Variants in UBE2Q2 observed in about 807,000 individuals in gnomAD.
UBE2Q2 encodes ubiquitin-conjugating enzyme E2 Q2.
UBE2Q2 carries 54 observed loss-of-function variants against 59.9 expected under a neutral mutation model. The ratio of observed to expected loss-of-function variants is 0.90; its 90% CI spans 0.72 to 1.13. The LOEUF is 1.13. Among genes scored for constraint, UBE2Q2 ranks in the 50% most tolerant of loss-of-function variants. UBE2Q2 has a pLI of 0.00. For missense variants in UBE2Q2, 433 were observed against 441.9 expected, an observed-to-expected ratio of 0.98 and a Z score of 0.18; for synonymous variants, 165 against 155.2, an observed-to-expected ratio of 1.06 and a Z score of -0.47.
chr15:75,893,591 A>G (rs1899227817), intron 11 of UBE2Q2, among the ~76,000 whole-genome samples: 1 of 152,178 alleles, frequency 6.6e-6, no homozygotes, highest in Admixed American at 6.5e-5. Context: ...GGTATAATAG[A>G]CAAATATAGA....
chr15:75,888,021 T>C (rs1898883524), intron 9 of UBE2Q2, among the ~76,000 whole-genome samples: 1 of 152,254 alleles, frequency 6.6e-6, no homozygotes, highest in African/African-American at 2.4e-5. Flanking sequence ...TCATATCCCA[T>C]ATCTTCTAGT....
Position 75,854,409 on chromosome 15 carries a change from G to T in UBE2Q2, c.204G>T (p.Pro68=). The change falls in exon 2 of 13, where the codon CCG becomes CCT. Residue 68 remains proline (P), a synonymous_variant. Coordinates refer to ENST00000267938, the MANE Select transcript of UBE2Q2 (RefSeq NM_173469.4). ...AGGAATCCTATCCATCTTCTTCACCGATATGGTTTGTGGATTCTGAAGACC... is the reference window on the plus strand; with the variant it reads ...AGGAATCCTATCCATCTTCTTCACCTATATGGTTTGTGGATTCTGAAGACC... ...NITESYPSSS[P]IWFVDSEDPN... The T allele has an allele frequency of 6.2e-7, 1 of 1,612,970 alleles. No individual in the cohort carries two copies. The highest frequency in any genetic ancestry group is 8.5e-7 in the Non-Finnish European group (1 of 1,179,388).
intron 12 of UBE2Q2, among the ~76,000 whole-genome samples, chr15:75,898,757 A>C (rs1428790113): frequency 1.3e-5 from 2 of 152,214 alleles, no homozygotes; most frequent in Admixed American, 1.3e-4. Context: ...TGGGGAAATA[A>C]GTACTTTCCA....
At chr15:75,898,940 G>T (rs1195190245) in intron 12 of UBE2Q2, among the ~76,000 whole-genome samples, 1 of 151,996 alleles carries the variant, frequency 6.6e-6, no homozygotes, top group Non-Finnish European at 1.5e-5. Flanking sequence ...GCAAAATGCA[G>T]TGTTCCCAAT....
chr15:75,845,214 T>TAG (rs1404554195), intron 1 of UBE2Q2, among the ~76,000 whole-genome samples: 1 of 152,086 alleles, frequency 6.6e-6, no homozygotes, highest in Non-Finnish European at 1.5e-5. Flanking sequence ...CTGAGACAGT[T>TAG]AGAGATGAGC....
intron 3 of UBE2Q2, among the ~76,000 whole-genome samples, chr15:75,861,265 T>C (rs908308821): frequency 2.6e-4 from 40 of 152,362 alleles, no homozygotes; most frequent in Admixed American, 2.4e-3. Context: ...TATTTCTAGG[T>C]TGAAGATAAT....
Position 75,899,433 on chromosome 15 carries a change from A to G in UBE2Q2, c.1103A>G (p.Tyr368Cys), listed in dbSNP as rs1431464879. Residue 368 changes from tyrosine to cysteine, a missense_variant, in exon 13 of 13, where the codon TAC (tyrosine) becomes TGC (cysteine). By Grantham distance (194) the Tyr-to-Cys change is radical. Transcript: ENST00000267938. ...IVQIHEKNGW[Y>C]TPPKEDG ...TTTTTTCATTCTATTTCAGGCTGGT[A>G]CACCCCTCCAAAGGAAGATGGCTAA... is the stretch of plus-strand genomic sequence containing the variant. 1.3e-6 allele frequency: 2 copies of G among 1,592,738 alleles called. No homozygotes were observed. The highest frequency in any genetic ancestry group is 2.7e-5 in the African/African-American group (2 of 73,798).
chr15:75,879,270 A>C, intron 8 of UBE2Q2, 82 bp downstream of exon 8: 1 of 796,482 alleles, frequency 1.3e-6, no homozygotes, highest in Non-Finnish European at 2.0e-6. Flanking sequence ...CAATTTGGTA[A>C]AGTAGAAGAT....
At chr15:75,899,395 A>G (rs547622796) in intron 12 of UBE2Q2, 32 bp from the exon 13 acceptor site, 2 of 1,521,458 alleles carry the variant, frequency 1.3e-6, no homozygotes, top group Admixed American at 1.9e-5. Context: ...TTTAAGAATT[A>G]TTTTAACTTT....
intron 1 of UBE2Q2, chr15:75,844,423 C>CT: frequency 6.4e-7 from 1 of 1,551,566 alleles, no homozygotes; most frequent in Non-Finnish European, 8.7e-7. Context: ...CGACCCCTCT[C>CT]CCCCGGGCCT....
intron 4 of UBE2Q2, among the ~76,000 whole-genome samples, chr15:75,869,626 C>T (rs1320100843): frequency 1.3e-5 from 2 of 152,174 alleles, no homozygotes; most frequent in African/African-American, 2.4e-5. Context: ...GCAAGCTAGT[C>T]CATTGTGTGA....
intron 7 of UBE2Q2, among the ~76,000 whole-genome samples, chr15:75,878,600 TAAAAA>T (rs142315305): frequency 7.2e-4 from 62 of 86,028 alleles, no homozygotes; most frequent in Middle Eastern, 6.0e-3. Flanking sequence ...CCCGGTCTCT[TAAAAA>T]AAAAAAAAAA....
rs1389911329 is a variant in UBE2Q2, at chr15:75,843,477, C to G, written c.-190C>G. ...AGTCGGTTACAAAGGAAGCGCCACC[C>G]AGGCCGCCACACGCCGAGGCTTCCG... On this transcript the variant is annotated 5_prime_UTR_variant, in exon 1 of 13. Transcript: ENST00000267938. 1 of 270,966 alleles carries G rather than the reference C, an allele frequency of 3.7e-6. No individual in the cohort carries two copies. Among genetic ancestry groups the G allele is most frequent in the Non-Finnish European group, 6.6e-6 (1 of 152,206 alleles). The allele number at this position is 270,966 out of a possible 1,614,324, so 16.8% of individuals were successfully genotyped here.
chr15:75,889,062 C>G (rs770225483), intron 9 of UBE2Q2, among the ~76,000 whole-genome samples: 9 of 152,138 alleles, frequency 5.9e-5, no homozygotes, highest in Non-Finnish European at 1.3e-4. Context: ...TAAATGAGTA[C>G]CTGGATCTTC....
intron 5 of UBE2Q2, 50 bp downstream of exon 5, chr15:75,873,618 G>A (rs2141617461): frequency 6.4e-7 from 1 of 1,571,412 alleles, no homozygotes; most frequent in South Asian, 1.2e-5. Flanking sequence ...TTAAATAATT[G>A]TAGTTAATAC....
chr15:75,879,344 C>T (rs1307656010), intron 8 of UBE2Q2, among the ~76,000 whole-genome samples, 156 bp downstream of exon 8: 1 of 152,090 alleles, frequency 6.6e-6, no homozygotes, highest in African/African-American at 2.4e-5. Flanking sequence ...AGTACTTAGG[C>T]GTACCAGGAG....
intron 12 of UBE2Q2, among the ~76,000 whole-genome samples, chr15:75,898,265 G>A (rs534207421): frequency 6.6e-6 from 1 of 152,194 alleles, no homozygotes; most frequent in South Asian, 2.1e-4. Flanking sequence ...TATAGAAAAT[G>A]CTGTATTTGA....
At chr15:75,881,799 A>C (rs1013424770) in intron 8 of UBE2Q2, among the ~76,000 whole-genome samples, 1 of 152,200 alleles carries the variant, frequency 6.6e-6, no homozygotes, top group Non-Finnish European at 1.5e-5. Flanking sequence ...CCAACTTGCT[A>C]TATTTTTAAG....
intron 9 of UBE2Q2, among the ~76,000 whole-genome samples, chr15:75,885,573 C>T (rs546787414): frequency 9.8e-5 from 15 of 152,298 alleles, no homozygotes; most frequent in African/African-American, 2.9e-4. Context: ...TCTCAGAGGA[C>T]GGTGTCCTCT....
Sources: gnomAD v4.1 joint callset for allele counts (sites outside exome capture counted in the v4.1 genomes callset) on GRCh38, gnomAD v4.1.1 for gene constraint, MANE v1.5 for transcripts, NCBI Gene and HGNC (gene_info 2026-07-23, HGNC 2026-07-21) for gene names.